The following DPP10 variants were observed in gnomAD, a reference collection of about 807,000 sequenced individuals.
DPP10 encodes the protein dipeptidyl peptidase like 10.
Under a neutral mutation model 120.9 loss-of-function variants are expected in DPP10, and 33 were observed. The ratio of observed to expected loss-of-function variants is 0.27; its 90% CI spans 0.21 to 0.37. The LOEUF is 0.37. Among genes scored for constraint, DPP10 ranks in the 10% least tolerant of loss-of-function variants. The pLI, the probability that DPP10 is intolerant of heterozygous loss-of-function variation, is 1.00. For missense variants in DPP10, 816 were observed against 942.8 expected, an observed-to-expected ratio of 0.87 and a Z score of 1.76; for synonymous variants, 337 against 326.1, an observed-to-expected ratio of 1.03 and a Z score of -0.36.
intron 1 of DPP10, among the ~76,000 whole-genome samples, chr2:114,696,918 T>G (rs1211465613): frequency 6.6e-6 from 1 of 152,108 alleles, no homozygotes; most frequent in African/African-American, 2.4e-5. Flanking sequence ...CATTAATTTC[T>G]ACAATGAAAA....
intron 3 of DPP10, among the ~76,000 whole-genome samples, chr2:115,385,479 C>T (rs1055131978): frequency 6.6e-6 from 1 of 152,058 alleles, no homozygotes; most frequent in African/African-American, 2.4e-5. Flanking sequence ...CCCCAGCCTC[C>T]TGAGTAGCTG....
At chr2:114,768,315 TGTTTGATA>T (rs1680926719) in intron 1 of DPP10, among the ~76,000 whole-genome samples, 1 of 152,060 alleles carries the variant, frequency 6.6e-6, no homozygotes, top group Admixed American at 6.5e-5. Flanking sequence ...ATTCCCAGGA[TGTTTGATA>T]GTTAAATGAG....
chr2:115,195,485 A>T (rs1200568859), intron 1 of DPP10, among the ~76,000 whole-genome samples: 1 of 152,148 alleles, frequency 6.6e-6, no homozygotes, highest in Non-Finnish European at 1.5e-5. Context: ...CTGTCCAGCT[A>T]TTCTCTTCTG....
chr2:115,279,755 T>G (rs1445119568), intron 1 of DPP10, among the ~76,000 whole-genome samples: 2 of 145,818 alleles, frequency 1.4e-5, no homozygotes, highest in East Asian at 4.4e-4. Context: ...TCTGCCTCCT[T>G]GCTTTAAGCG....
intron 5 of DPP10, among the ~76,000 whole-genome samples, chr2:115,669,654 C>T (rs1252854563): frequency 1.3e-5 from 2 of 152,224 alleles, no homozygotes; most frequent in Non-Finnish European, 2.9e-5. Context: ...TAATGTCCCA[C>T]GTCTTTCCAG....
intron 1 of DPP10, among the ~76,000 whole-genome samples, chr2:114,576,193 G>A (rs1156370586): frequency 1.3e-5 from 2 of 152,236 alleles, no homozygotes; most frequent in African/African-American, 4.8e-5. Flanking sequence ...CTTAAATTAA[G>A]AGAGTTATAC....
chr2:115,793,621 A>G (rs1004573849), intron 19 of DPP10, among the ~76,000 whole-genome samples: 1 of 152,106 alleles, frequency 6.6e-6, no homozygotes, highest in Non-Finnish European at 1.5e-5. Flanking sequence ...GACAGACACT[A>G]CTAAAATAGA....
intron 1 of DPP10, among the ~76,000 whole-genome samples, chr2:115,011,492 C>T (rs534097426): frequency 6.6e-6 from 1 of 152,140 alleles, no homozygotes; most frequent in African/African-American, 2.4e-5. Context: ...ATAAATTGAC[C>T]CTTTTAACCC....
At chr2:115,815,187 C>T (rs1687093388) in intron 20 of DPP10, among the ~76,000 whole-genome samples, 200 bp downstream of exon 20, 1 of 151,974 alleles carries the variant, frequency 6.6e-6, no homozygotes, top group Non-Finnish European at 1.5e-5. Context: ...CTCATATTTC[C>T]CCTCTGGAAT....
chr2:115,523,797 T>C (rs1387424599), intron 4 of DPP10, among the ~76,000 whole-genome samples: 2 of 152,152 alleles, frequency 1.3e-5, no homozygotes, highest in African/African-American at 4.8e-5. Flanking sequence ...TTAAAATCAT[T>C]GATAACTGCA....
At chr2:115,372,603 G>A (rs905170964) in intron 3 of DPP10, among the ~76,000 whole-genome samples, 55 of 152,118 alleles carry the variant, frequency 3.6e-4, no homozygotes, top group African/African-American at 1.2e-3. Context: ...ACACACCCAG[G>A]CACCCTTACT....
At chr2:114,983,427 C>T (rs773401739) in intron 1 of DPP10, among the ~76,000 whole-genome samples, 1 of 152,136 alleles carries the variant, frequency 6.6e-6, no homozygotes, top group Non-Finnish European at 1.5e-5. Flanking sequence ...TAAATCTCAA[C>T]TAATAAACAG....
chr2:115,160,194 G>A (rs2052205408), intron 1 of DPP10, among the ~76,000 whole-genome samples: 1 of 152,034 alleles, frequency 6.6e-6, no homozygotes, highest in African/African-American at 2.4e-5. Context: ...GTTATTCCTA[G>A]CAAAAAGTTA....
chr2:114,442,931 A>G, intron 1 of DPP10, 93 bp downstream of exon 1: 2 of 1,468,788 alleles, frequency 1.4e-6, no homozygotes, highest in Non-Finnish European at 1.9e-6. Context: ...CTGACAGTGG[A>G]CATACCTACT....
At chr2:115,030,156 C>A (rs1440278774) in intron 1 of DPP10, among the ~76,000 whole-genome samples, 1 of 152,004 alleles carries the variant, frequency 6.6e-6, no homozygotes, top group Non-Finnish European at 1.5e-5. Flanking sequence ...ATCAGGCAAA[C>A]TTGAGCCTCA....
chr2:114,973,769 G>A lies in DPP10; in HGVS notation c.61-335470G>A, dbSNP rs183227009. The stretch of plus-strand genomic sequence containing the variant: ...CATAGGAGATGACAGCTCCATGCAC[G>A]TTACTGCTGCTGAAGACTTTCCAGT... On this transcript the variant is annotated intron_variant, in intron 1 of 25. Coordinates refer to ENST00000410059, the MANE Select transcript of DPP10 (RefSeq NM_020868.6). Among the ~76,000 whole-genome samples, 44 of 151,364 alleles carry A rather than the reference G, an allele frequency of 2.9e-4. No individual in the cohort carries two copies. In the East Asian group the frequency reaches 3.7e-3, roughly 13 times the overall value.
rs184271384 is a variant in DPP10 at position 114,797,753 on chromosome 2, G to A, written c.60+354915G>A. Among the ~76,000 whole-genome samples the A allele has an allele frequency of 3.3e-5, 5 of 152,302 alleles. No individual in the cohort carries two copies. In the East Asian group the frequency reaches 5.8e-4, roughly 18 times the overall value. On this transcript the variant is annotated intron_variant, in intron 1 of 25. Coordinates refer to ENST00000410059, the MANE Select transcript of DPP10 (RefSeq NM_020868.6). ...AAGGAAGATTCCAAACAACAGCGTA[G>A]GTAGATTCTGTCCCCTCCAGTACCC...
chr2:115,536,360 T>G (rs2078838735), intron 5 of DPP10, among the ~76,000 whole-genome samples: 1 of 152,012 alleles, frequency 6.6e-6, no homozygotes. Flanking sequence ...GGCTTTACCA[T>G]CTTTTCATGT....
At chr2:115,112,717 G>A (rs1185579503) in intron 1 of DPP10, among the ~76,000 whole-genome samples, 2 of 152,310 alleles carry the variant, frequency 1.3e-5, no homozygotes, top group East Asian at 3.9e-4. Context: ...TGAGGTAGCG[G>A]GGAGGTGTTG....
Sources: allele counts gnomAD v4.1 joint callset (sites outside exome capture counted in the v4.1 genomes callset), GRCh38; gene constraint gnomAD v4.1.1; transcripts MANE v1.5; gene names NCBI Gene and HGNC (gene_info 2026-07-23, HGNC 2026-07-21).